The following RTF2 variants were observed in gnomAD, a reference collection of about 807,000 sequenced individuals.
The protein encoded by RTF2 is UPF0549 protein C20orf43.
In RTF2, 18 loss-of-function variants were observed where a neutral mutation model predicts 38.0. The observed-to-expected ratio is 0.47, with a 90% CI of 0.33 to 0.70. The LOEUF (loss-of-function observed/expected upper bound fraction) is 0.70, where lower values mean the gene tolerates loss of function less well. Among genes scored for constraint, RTF2 ranks in the 30% least tolerant of loss-of-function variants. The pLI, the probability that RTF2 is intolerant of heterozygous loss-of-function variation, is 0.02. For synonymous variants in RTF2, 126 were observed against 137.1 expected (o/e 0.92, Z 0.57); for missense variants, 311 against 379.6 (o/e 0.82, Z 1.50).
chr20:56,470,924 T>A (rs754683542), intron 1 of RTF2: 9 of 240,374 alleles, frequency 3.7e-5, no homozygotes, highest in Non-Finnish European at 6.2e-5. Context: ...AAAATGTATT[T>A]GTAATAAATC....
intron 5 of RTF2, among the ~76,000 whole-genome samples, chr20:56,498,750 A>G (rs1190713180): frequency 5.3e-5 from 8 of 152,164 alleles, no homozygotes; most frequent in Admixed American, 5.2e-4. Context: ...ATTGTTAGAA[A>G]GTATTTGTTT....
chr20:56,477,229 T>A lies in RTF2; in HGVS notation c.398+105T>A, dbSNP rs561457820. 15 of 1,362,204 alleles carry A rather than the reference T, an allele frequency of 1.1e-5. No individual in the cohort carries two copies. The African/African-American group carries it at 2.2e-4, about 20-fold the overall frequency. 84.4% of individuals were successfully genotyped at this position (1,362,204 alleles called of 1,614,324 possible). A position where few individuals can be genotyped will look rare whatever the true frequency, so the allele number is the denominator to read the frequency against. On this transcript the variant is annotated intron_variant, in intron 4 of 8. Transcript: ENST00000357348. ...AGCAGTCATGTGGCTTGCTTTCTGGTGTCCTTGGGTTTGGTGGCGCCTTGG... is the reference window on the plus strand; with the variant it reads ...AGCAGTCATGTGGCTTGCTTTCTGGAGTCCTTGGGTTTGGTGGCGCCTTGG...
rs1308713611 is a variant in RTF2 at position 56,484,168 on chromosome 20, A to G, written c.456A>G (p.Ile152Met). 1 of 1,614,146 alleles carries G rather than the reference A, an allele frequency of 6.2e-7. No homozygotes were observed. Among genetic ancestry groups the G allele is most frequent in the Admixed American group, 1.7e-5 (1 of 60,020 alleles). Residue 152 changes from isoleucine to methionine, a missense_variant, in exon 5 of 9, where the codon ATA (isoleucine) becomes ATG (methionine). Ile to Met is a conservative substitution (Grantham distance 10). Coordinates refer to ENST00000357348, the MANE Select transcript of RTF2 (RefSeq NM_016407.5). ...CVFSERALKE[I>M]KAEVCHTCGA... ...TTTCTGAGCGAGCCTTGAAAGAGAT[A>G]AAAGCGGAAGTTTGCCACACGGTGA...
chr20:56,513,708 A>G, intron 6 of RTF2: 1 of 332,512 alleles, frequency 3.0e-6, no homozygotes, highest in Admixed American at 3.7e-5. Context: ...GGCTCCAGAG[A>G]CCATGGCCAT....
At chr20:56,472,723 T>C (rs1982036651) in intron 1 of RTF2, among the ~76,000 whole-genome samples, 2 of 152,182 alleles carry the variant, frequency 1.3e-5, no homozygotes, top group Admixed American at 6.5e-5. Flanking sequence ...GATTCAGATG[T>C]TAATATTTGT....
chr20:56,486,431 C>T (rs936264408), intron 5 of RTF2, among the ~76,000 whole-genome samples: 6 of 152,078 alleles, frequency 3.9e-5, no homozygotes, highest in African/African-American at 1.4e-4. Flanking sequence ...GGTGGATCAC[C>T]TGAGGTCAGG....
At chr20:56,473,596 G>T (rs952356029) in intron 2 of RTF2, among the ~76,000 whole-genome samples, 71 of 152,098 alleles carry the variant, frequency 4.7e-4, no homozygotes, top group African/African-American at 1.7e-3. Flanking sequence ...GAAAACTGAG[G>T]GGCTGGGCTG....
intron 2 of RTF2, 95 bp from the exon 3 acceptor site, chr20:56,474,583 G>A (rs1982141281): frequency 5.7e-6 from 4 of 707,724 alleles, no homozygotes; most frequent in African/African-American, 1.8e-5. Context: ...CTTATCAAAT[G>A]TAAACGACTT....
chr20:56,486,641 T>C lies in RTF2; in HGVS notation c.477+2452T>C, dbSNP rs1982807346. ...TCCAGCCTGGGTGACAGAGTGAGAC[T>C]CCATCTCAAAAAAATAAATAAATAA... is the stretch of plus-strand genomic sequence containing the variant. On this transcript the variant is annotated intron_variant, in intron 5 of 8. Coordinates refer to ENST00000357348, the MANE Select transcript of RTF2 (RefSeq NM_016407.5). Among the ~76,000 whole-genome samples the C allele has an allele frequency of 3.3e-5, 5 of 152,014 alleles. No homozygotes were observed. The South Asian group carries it at 8.3e-4, about 25-fold the overall frequency.
chr20:56,475,118 A>G (rs369755248), intron 3 of RTF2, among the ~76,000 whole-genome samples: 2 of 152,256 alleles, frequency 1.3e-5, no homozygotes, highest in Non-Finnish European at 1.5e-5. Flanking sequence ...TTTATGGATC[A>G]CTGTTAAATC....
intron 5 of RTF2, among the ~76,000 whole-genome samples, chr20:56,486,470 A>G (rs1982797738): frequency 6.6e-6 from 1 of 152,044 alleles, no homozygotes; most frequent in Non-Finnish European, 1.5e-5. Flanking sequence ...CCAACATAGT[A>G]AAACCCTGTC....
chr20:56,509,056 G>T (rs1984465271), intron 5 of RTF2, among the ~76,000 whole-genome samples: 1 of 152,202 alleles, frequency 6.6e-6, no homozygotes, highest in Non-Finnish European at 1.5e-5. Context: ...ATTATCCAGT[G>T]TAAGATATTT....
chr20:56,480,970 A>T (rs1256850319), intron 4 of RTF2, among the ~76,000 whole-genome samples: 2 of 152,238 alleles, frequency 1.3e-5, no homozygotes, highest in Non-Finnish European at 2.9e-5. Flanking sequence ...TGTGACACAG[A>T]GACATGACGT....
chr20:56,492,671 T>C (rs1983236848), intron 5 of RTF2, among the ~76,000 whole-genome samples: 1 of 152,036 alleles, frequency 6.6e-6, no homozygotes. Flanking sequence ...GTTTGGCTCT[T>C]TCTGCTCTTG....
intron 5 of RTF2, among the ~76,000 whole-genome samples, chr20:56,484,654 C>T (rs1019834321): frequency 6.6e-6 from 1 of 152,224 alleles, no homozygotes; most frequent in Non-Finnish European, 1.5e-5. Flanking sequence ...TCTCTTTATC[C>T]GCAGGGCATA....
intron 5 of RTF2, among the ~76,000 whole-genome samples, chr20:56,499,472 C>T (rs1983783243): frequency 6.6e-6 from 1 of 151,984 alleles, no homozygotes; most frequent in South Asian, 2.1e-4. Context: ...TGAGCCACCA[C>T]GCCTGGCAAT....
chr20:56,476,338 G>A (rs1342497159), intron 3 of RTF2, among the ~76,000 whole-genome samples: 1 of 152,150 alleles, frequency 6.6e-6, no homozygotes, highest in Non-Finnish European at 1.5e-5. Context: ...TCATCACAGG[G>A]AGAAAGCATT....
At chr20:56,474,143 G>T (rs1030253570) in intron 2 of RTF2, among the ~76,000 whole-genome samples, 1 of 152,190 alleles carries the variant, frequency 6.6e-6, no homozygotes, top group Non-Finnish European at 1.5e-5. Context: ...GCCTTGTTCA[G>T]GTTACATTCA....
intron 5 of RTF2, chr20:56,497,357 T>G: frequency 6.5e-7 from 1 of 1,550,298 alleles, no homozygotes; most frequent in Non-Finnish European, 8.7e-7. Flanking sequence ...AGTTTCCTGG[T>G]GTGTGTAAAT....
Sources: allele counts gnomAD v4.1 joint callset (sites outside exome capture counted in the v4.1 genomes callset), GRCh38; gene constraint gnomAD v4.1.1; transcripts MANE v1.5; gene names NCBI Gene and HGNC (gene_info 2026-07-23, HGNC 2026-07-21).